NCOA7: variants seen among roughly 807,000 people sequenced by gnomAD.
NCOA7 encodes the protein 140 kDa estrogen receptor-associated protein.
Under a neutral mutation model 104.3 loss-of-function variants are expected in NCOA7, and 45 were observed. The ratio of observed to expected loss-of-function variants is 0.43; its 90% CI spans 0.34 to 0.55. The LOEUF is 0.55. Ranked by LOEUF, NCOA7 falls within the 20% of genes least tolerant of loss-of-function variation. NCOA7 has a pLI of 0.02. For missense variants in NCOA7, 1,041 were observed against 1,119.7 expected, an observed-to-expected ratio of 0.93 and a Z score of 1.00; for synonymous variants, 398 against 402.3, an observed-to-expected ratio of 0.99 and a Z score of 0.13.
intron 2 of NCOA7, among the ~76,000 whole-genome samples, chr6:125,825,565 A>G (rs622936): frequency 0.29 from 43,670 of 152,226 alleles, 6,906 homozygotes; most frequent in South Asian, 0.43. Flanking sequence ...TAGAAGTTAC[A>G]TAATACATAA....
chr6:125,925,441 C>T (rs1305900285), intron 13 of NCOA7, among the ~76,000 whole-genome samples: 1 of 152,144 alleles, frequency 6.6e-6, no homozygotes, highest in East Asian at 1.9e-4. Flanking sequence ...TGCAAAGGAA[C>T]CTACATTTAA....
At chr6:125,869,940 G>A (rs746124573) in intron 3 of NCOA7, among the ~76,000 whole-genome samples, 99 of 152,220 alleles carry the variant, frequency 6.5e-4, no homozygotes, top group Non-Finnish European at 2.4e-4. Context: ...AACCACAAAT[G>A]TGTAGTAATT....
Position 125,881,084 on chromosome 6 carries a change from T to TC in NCOA7, c.460-5dup, listed in dbSNP as rs1199419857. 1.0e-5 allele frequency: 16 copies of TC among 1,602,602 alleles called. No individual in the cohort carries two copies. The highest frequency in any genetic ancestry group is 1.4e-5 in the Non-Finnish European group (16 of 1,169,664). ...TACTCACCCATCTGTTCTCTCCCAT[T>TC]CTCAGGTCCTTTTTGTGCCAGATGC... On this transcript the variant is annotated splice_region_variant and splice_polypyrimidine_tract_variant and intron_variant, in intron 5 of 15. Coordinates refer to ENST00000392477, the MANE Select transcript of NCOA7 (RefSeq NM_181782.5).
chr6:125,823,258 AC>A (rs1396306876), intron 2 of NCOA7, among the ~76,000 whole-genome samples: 7 of 152,228 alleles, frequency 4.6e-5, no homozygotes, highest in Non-Finnish European at 1.0e-4. Context: ...TGGTTGGCAT[AC>A]AGCAAGTGTT....
chr6:125,857,855 G>A (rs991044283), intron 3 of NCOA7, among the ~76,000 whole-genome samples: 1 of 151,796 alleles, frequency 6.6e-6, no homozygotes, highest in African/African-American at 2.4e-5. Flanking sequence ...TAAAGTGCTG[G>A]GATTACAGGC....
chr6:125,820,501 T>C (rs902644878), intron 2 of NCOA7, among the ~76,000 whole-genome samples: 1 of 152,246 alleles, frequency 6.6e-6, no homozygotes, highest in African/African-American at 2.4e-5. Context: ...TTATTCTCTT[T>C]TCCATGGCAG....
At chr6:125,834,538 T>C (rs1260869125) in intron 2 of NCOA7, among the ~76,000 whole-genome samples, 3 of 152,238 alleles carry the variant, frequency 2.0e-5, no homozygotes, top group Non-Finnish European at 4.4e-5. Flanking sequence ...GACTCTCAGC[T>C]GCTGCAAGCC....
At chr6:125,786,649 G>A (rs1236485379), upstream of NCOA7, among the ~76,000 whole-genome samples, 2 of 149,218 alleles carry the variant, frequency 1.3e-5, no homozygotes, top group African/African-American at 5.0e-5. Flanking sequence ...CGATCTGAGC[G>A]CAGCGCAACC....
intron 3 of NCOA7, among the ~76,000 whole-genome samples, chr6:125,860,555 C>T (rs763295011): frequency 2.0e-4 from 30 of 152,194 alleles, no homozygotes; most frequent in Non-Finnish European, 3.5e-4. Context: ...ACCACGTTGG[C>T]CAGGCTGGTC....
chr6:125,904,086 G>T (rs978293651), intron 10 of NCOA7, among the ~76,000 whole-genome samples: 3 of 152,144 alleles, frequency 2.0e-5, no homozygotes, highest in Non-Finnish European at 4.4e-5. Flanking sequence ...TCAGGAAACA[G>T]TGGCCACAGG....
chr6:125,866,101 G>A (rs1422563875), intron 3 of NCOA7, among the ~76,000 whole-genome samples: 5 of 136,914 alleles, frequency 3.7e-5, no homozygotes, highest in Admixed American at 1.4e-4. Flanking sequence ...AGGCTGAGGC[G>A]GGCGGATCAC....
intron 3 of NCOA7, among the ~76,000 whole-genome samples, chr6:125,869,478 T>A (rs1163636663): frequency 1.3e-5 from 2 of 152,248 alleles, no homozygotes; most frequent in African/African-American, 2.4e-5. Context: ...AAGATGTCCA[T>A]GTCCTATTTC....
At chr6:125,838,624 C>T (rs1028512290) in intron 2 of NCOA7, among the ~76,000 whole-genome samples, 3 of 152,082 alleles carry the variant, frequency 2.0e-5, no homozygotes, top group African/African-American at 7.2e-5. Flanking sequence ...TCTCCAACAC[C>T]AGTTGAGTGT....
intron 2 of NCOA7, among the ~76,000 whole-genome samples, chr6:125,836,422 A>G (rs1028120874): frequency 6.6e-6 from 1 of 152,232 alleles, no homozygotes; most frequent in African/African-American, 2.4e-5. Context: ...ACAAACAGCA[A>G]TGAAATTTTC....
intron 7 of NCOA7, 85 bp from the exon 8 acceptor site, chr6:125,885,074 G>T: frequency 7.2e-7 from 1 of 1,383,316 alleles, no homozygotes. Flanking sequence ...CCATGGAGTG[G>T]CCATCTGAGT....
At chr6:125,791,342 G>C (rs1774839221) in intron 1 of NCOA7, among the ~76,000 whole-genome samples, 1 of 152,250 alleles carries the variant, frequency 6.6e-6, no homozygotes, top group African/African-American at 2.4e-5. Context: ...ACGAGAGTGG[G>C]GAGGACAGGT....
At chr6:125,840,316 A>G (rs568013579) in intron 2 of NCOA7, among the ~76,000 whole-genome samples, 1 of 152,194 alleles carries the variant, frequency 6.6e-6, no homozygotes, top group African/African-American at 2.4e-5. Flanking sequence ...TTAAAAACTG[A>G]TAAAGTAAAA....
At chr6:125,841,745 C>G (rs1221813676) in intron 2 of NCOA7, among the ~76,000 whole-genome samples, 1 of 152,100 alleles carries the variant, frequency 6.6e-6, no homozygotes, top group Non-Finnish European at 1.5e-5. Context: ...CCCAGAAATT[C>G]TGTTTTTGAG....
rs749896848 is a variant in NCOA7 at position 125,889,023 on chromosome 6, T to G, written c.969T>G (p.Ser323Arg). ...CAGAAAAGGATATCAACCCATTCAG[T>G]AAGTTCAAATCTATCAACAAGGAAA... Reference protein sequence around the residue: ...LASEKDINPFSKFKSINKEKR... With the variant: ...LASEKDINPFRKFKSINKEKR... The change falls in exon 9 of 16, where the codon AGT becomes AGG. Residue 323 changes from serine (S) to arginine (R), a missense_variant. Ser to Arg is a moderately radical substitution (Grantham distance 110, BLOSUM62 -1). Transcript: ENST00000392477. 1 of 1,613,922 alleles carries G rather than the reference T, an allele frequency of 6.2e-7. No homozygotes were observed. The highest frequency in any genetic ancestry group is 8.5e-7 in the Non-Finnish European group (1 of 1,179,938).
Sources: gnomAD v4.1 joint callset for allele counts (sites outside exome capture counted in the v4.1 genomes callset) on GRCh38, gnomAD v4.1.1 for gene constraint, MANE v1.5 for transcripts, NCBI Gene and HGNC (gene_info 2026-07-23, HGNC 2026-07-21) for gene names.